The following EPHA7 variants were observed in gnomAD, a reference collection of about 807,000 sequenced individuals.
EPHA7 encodes ephrin type-A receptor 7.
Under a neutral mutation model 112.6 loss-of-function variants are expected in EPHA7, and 25 were observed. That is an observed-to-expected ratio of 0.22 (90% CI 0.16 to 0.31). EPHA7 has a LOEUF of 0.31. Ranked by LOEUF, EPHA7 falls within the 10% of genes least tolerant of loss-of-function variation. The probability of loss-of-function intolerance (pLI) is 1.00; values close to 1 mark genes in which losing one functional copy is unlikely to be tolerated. For missense variants in EPHA7, 962 were observed against 1,212.6 expected, an observed-to-expected ratio of 0.79 and a Z score of 3.07; for synonymous variants, 437 against 406.5, an observed-to-expected ratio of 1.07 and a Z score of -0.90.
At chr6:93,397,839 G>T (rs1488751478) in intron 3 of EPHA7, among the ~76,000 whole-genome samples, 16 of 151,934 alleles carry the variant, frequency 1.1e-4, no homozygotes, top group Non-Finnish European at 1.3e-4. Context: ...AAAAAAGGAA[G>T]AAAAAGAAAG....
intron 3 of EPHA7, among the ~76,000 whole-genome samples, chr6:93,381,979 C>A (rs1376484915): frequency 6.6e-6 from 1 of 152,134 alleles, no homozygotes; most frequent in African/African-American, 2.4e-5. Flanking sequence ...CAAATGTGTT[C>A]ACAAACATTG....
At chr6:93,308,089 C>T (rs552235315) in intron 5 of EPHA7, among the ~76,000 whole-genome samples, 30 of 152,150 alleles carry the variant, frequency 2.0e-4, no homozygotes, top group East Asian at 1.2e-3. Flanking sequence ...AATCAGTCAC[C>T]GAAAACTGGC....
chr6:93,250,551 T>C (rs952039605), intron 14 of EPHA7, among the ~76,000 whole-genome samples: 1 of 152,026 alleles, frequency 6.6e-6, no homozygotes, highest in Non-Finnish European at 1.5e-5. Flanking sequence ...AAGACAGAAT[T>C]TGACGTAGGC....
chr6:93,294,777 T>C (rs1562075898), intron 5 of EPHA7, among the ~76,000 whole-genome samples: 1 of 152,104 alleles, frequency 6.6e-6, no homozygotes, highest in Non-Finnish European at 1.5e-5. Flanking sequence ...TAGATATAGA[T>C]TCACATATGG....
At chr6:93,343,826 A>G (rs935747283) in intron 5 of EPHA7, among the ~76,000 whole-genome samples, 2 of 151,714 alleles carry the variant, frequency 1.3e-5, no homozygotes, top group African/African-American at 4.8e-5. Flanking sequence ...ATTTTCAAAC[A>G]TAACACCAGT....
At chr6:93,266,196 GT>G (rs1224303183) in intron 7 of EPHA7, among the ~76,000 whole-genome samples, 1 of 151,566 alleles carries the variant, frequency 6.6e-6, no homozygotes, top group East Asian at 1.9e-4. Context: ...CTTATTTTTT[GT>G]TTTTAGTCTG....
intron 2 of EPHA7, among the ~76,000 whole-genome samples, chr6:93,413,694 C>G (rs2127996711): frequency 6.6e-6 from 1 of 151,918 alleles, no homozygotes; most frequent in Non-Finnish European, 1.5e-5. Context: ...TGAAAGGAAT[C>G]TTAAAAATTA....
intron 5 of EPHA7, among the ~76,000 whole-genome samples, chr6:93,313,048 GA>G (rs2127868672): frequency 6.6e-6 from 1 of 152,048 alleles, no homozygotes; most frequent in African/African-American, 2.4e-5. Context: ...AGATCACTAT[GA>G]AAATTATAAT....
chr6:93,378,327 T>C (rs891485413), intron 3 of EPHA7, among the ~76,000 whole-genome samples: 3 of 152,032 alleles, frequency 2.0e-5, no homozygotes, highest in Non-Finnish European at 4.4e-5. Flanking sequence ...TTTTAAAAGA[T>C]AGTGTTATGA....
At chr6:93,251,152 C>T (rs1770189576) in intron 14 of EPHA7, among the ~76,000 whole-genome samples, 1 of 151,998 alleles carries the variant, frequency 6.6e-6, no homozygotes, top group Admixed American at 6.6e-5. Flanking sequence ...TTGGACTTCA[C>T]TTATGAGATT....
At chr6:93,251,848 A>G (rs1235359823) in intron 14 of EPHA7, among the ~76,000 whole-genome samples, 1 of 152,022 alleles carries the variant, frequency 6.6e-6, no homozygotes, top group African/African-American at 2.4e-5. Flanking sequence ...GATTTTTTAG[A>G]AGAACGAAAG....
intron 5 of EPHA7, among the ~76,000 whole-genome samples, chr6:93,311,818 G>T (rs963090235): frequency 5.9e-5 from 9 of 152,124 alleles, no homozygotes; most frequent in African/African-American, 2.2e-4. Flanking sequence ...AGACTTGAAA[G>T]GTGAAATTAC....
intron 5 of EPHA7, among the ~76,000 whole-genome samples, chr6:93,350,460 C>G (rs1203119141): frequency 1.3e-5 from 2 of 151,958 alleles, no homozygotes; most frequent in Admixed American, 6.6e-5. Context: ...GTCATTCGAA[C>G]CCTCAAAATT....
chr6:93,282,317 T>A (rs1363728636), intron 5 of EPHA7, among the ~76,000 whole-genome samples: 2 of 152,244 alleles, frequency 1.3e-5, no homozygotes, highest in African/African-American at 4.8e-5. Flanking sequence ...GAACACTGAG[T>A]GCTTAATAGG....
chr6:93,309,722 A>G (rs552447076), intron 5 of EPHA7, among the ~76,000 whole-genome samples: 24 of 152,292 alleles, frequency 1.6e-4, no homozygotes, highest in African/African-American at 5.3e-4. Context: ...AAAACATTCT[A>G]TACTTAAGAT....
intron 5 of EPHA7, among the ~76,000 whole-genome samples, chr6:93,287,018 C>A (rs1772099382): frequency 6.6e-6 from 1 of 152,110 alleles, no homozygotes; most frequent in African/African-American, 2.4e-5. Flanking sequence ...TTGAAAAAGT[C>A]TCAAATTGAT....
chr6:93,409,697 ATATC>A (rs1778881920), intron 3 of EPHA7: 1 of 151,886 alleles, frequency 6.6e-6, no homozygotes, highest in African/African-American at 2.4e-5. Flanking sequence ...TAGAAACAGA[ATATC>A]TATCAATCTT....
chr6:93,272,444 A>G (rs1771274192), intron 5 of EPHA7, 22 bp from the exon 6 acceptor site: 1 of 1,610,418 alleles, frequency 6.2e-7, no homozygotes, highest in African/African-American at 1.3e-5. Context: ...AGATGTGTCA[A>G]TAAACAATGA....
chr6:93,319,288 C>T (rs1773953838), intron 5 of EPHA7, among the ~76,000 whole-genome samples: 1 of 151,970 alleles, frequency 6.6e-6, no homozygotes, highest in Non-Finnish European at 1.5e-5. Flanking sequence ...TGTCATTGAG[C>T]ATGCAGGGTT....
Sources: gnomAD v4.1 joint callset for allele counts (sites outside exome capture counted in the v4.1 genomes callset) on GRCh38, gnomAD v4.1.1 for gene constraint, MANE v1.5 for transcripts, NCBI Gene and HGNC (gene_info 2026-07-23, HGNC 2026-07-21) for gene names.